FAM221A: variants seen among roughly 807,000 people sequenced by gnomAD.
The protein encoded by FAM221A is family with sequence similarity 221 member A.
In FAM221A, 43 loss-of-function variants were observed where a neutral mutation model predicts 37.6. That is an observed-to-expected ratio of 1.15 (90% CI 0.90 to 1.48). FAM221A has a LOEUF of 1.48. Among genes scored for constraint, FAM221A ranks in the 40% most tolerant of loss-of-function variants. The probability of loss-of-function intolerance (pLI) is 0.00; values close to 1 mark genes in which losing one functional copy is unlikely to be tolerated. For synonymous variants in FAM221A, 135 were observed against 132.9 expected (o/e 1.02, Z -0.11); for missense variants, 361 against 361.5 (o/e 1.00, Z 0.01).
At chr7:23,699,559 T>C (rs902359168) in intron 5 of FAM221A, among the ~76,000 whole-genome samples, 6 of 109,498 alleles carry the variant, frequency 5.5e-5, no homozygotes, top group Non-Finnish European at 1.1e-4. Flanking sequence ...TTTTTTTTTT[T>C]TGAGACAGAG....
At chr7:23,696,215 A>G (rs964353122) in intron 4 of FAM221A, among the ~76,000 whole-genome samples, 3 of 152,186 alleles carry the variant, frequency 2.0e-5, no homozygotes, top group African/African-American at 7.2e-5. Flanking sequence ...GAGCATTTGT[A>G]TATCTAAATT....
chr7:23,690,199 A>ATATATTTTTTTTTTT (rs774313037), intron 3 of FAM221A, among the ~76,000 whole-genome samples: 10 of 48,728 alleles, frequency 2.1e-4, no homozygotes, highest in African/African-American at 8.5e-4. Context: ...ATATATATAT[A>ATATATTTTTTTTTTT]TTTTTTTTTT....
chr7:23,694,357 A>T (rs1351474418), intron 4 of FAM221A: 1 of 151,918 alleles, frequency 6.6e-6, no homozygotes, highest in African/African-American at 2.4e-5. Flanking sequence ...CCTGTTTGTG[A>T]TTGTTTTCAA....
In FAM221A at chr7:23,684,658, T is replaced by G. The variant is rs1431667595; in HGVS notation, c.225T>G (p.Cys75Trp). The change falls in exon 2 of 7, where the codon TGT becomes TGG. Residue 75 changes from cysteine (C) to tryptophan (W), a missense_variant. Transcript: ENST00000344962. ...DCKLVGPETL[C>W]FCTHRYKQHK... is the part of the protein sequence containing the mutation. Reference sequence around the variant, plus strand: ...AACTTGTGGGCCCAGAGACACTGTGTTTTTGTACACATAGGTAAGATACTT... The same window carrying G: ...AACTTGTGGGCCCAGAGACACTGTGGTTTTGTACACATAGGTAAGATACTT... 1.3e-5 allele frequency: 21 copies of G among 1,607,820 alleles called. No individual in the cohort carries two copies. Among genetic ancestry groups the G allele is most frequent in the Admixed American group, 3.4e-5 (2 of 58,270 alleles).
At chr7:23,683,962 TTCTAA>T (rs1474814393) in intron 1 of FAM221A, among the ~76,000 whole-genome samples, 4 of 152,222 alleles carry the variant, frequency 2.6e-5, no homozygotes, top group African/African-American at 9.6e-5. Flanking sequence ...AATGATTAAC[TTCTAA>T]TCTATAACTA....
chr7:23,689,131 G>A, intron 2 of FAM221A, 138 bp from the exon 3 acceptor site: 1 of 553,002 alleles, frequency 1.8e-6, no homozygotes, highest in Non-Finnish European at 3.0e-6. Flanking sequence ...ATGTAGGAGA[G>A]TTTATTTTCA....
intron 4 of FAM221A, among the ~76,000 whole-genome samples, chr7:23,695,593 G>A (rs1246285248): frequency 1.3e-5 from 2 of 152,162 alleles, no homozygotes; most frequent in East Asian, 3.9e-4. Flanking sequence ...GGCTGGTCTT[G>A]AACTCCTGAC....
At chr7:23,684,396 A>C in intron 1 of FAM221A, 103 bp from the exon 2 acceptor site, 5 of 660,986 alleles carry the variant, frequency 7.6e-6, no homozygotes, top group Non-Finnish European at 6.9e-6. Context: ...AGATTTACAA[A>C]ATAAAAGCTT....
chr7:23,685,649 C>A (rs908144717), intron 2 of FAM221A, among the ~76,000 whole-genome samples: 7 of 152,190 alleles, frequency 4.6e-5, no homozygotes, highest in South Asian at 2.1e-4. Context: ...TCTGCTGTGT[C>A]GATACCTTTC....
At chr7:23,690,199 A>ATATATATATTTTTTTT (rs774313037) in intron 3 of FAM221A, among the ~76,000 whole-genome samples, 5 of 48,736 alleles carry the variant, frequency 1.0e-4, no homozygotes, top group South Asian at 1.2e-3. Context: ...ATATATATAT[A>ATATATATATTTTTTTT]TTTTTTTTTT....
At position 23,691,463 on chromosome 7, in the gene FAM221A, A is replaced by G; in HGVS notation, c.504A>G (p.Val168=). The G allele has an allele frequency of 6.2e-7, 1 of 1,614,212 alleles. No individual in the cohort carries two copies. Among genetic ancestry groups the G allele is most frequent in the Non-Finnish European group, 8.5e-7 (1 of 1,180,040 alleles). The change falls in exon 4 of 7, where the codon GTA becomes GTG. Residue 168 remains valine, a synonymous_variant. Transcript: ENST00000344962. ...AGCCTGCATATGCCCATGACACAGT[A>G]GTGGAAACTAAGCAAGAAAGATTGG... ...CGQPAYAHDT[V]VETKQERLAQ...
chr7:23,682,439 ATT>A (rs59949135), intron 1 of FAM221A, among the ~76,000 whole-genome samples: 7 of 79,392 alleles, frequency 8.8e-5, no homozygotes, highest in Non-Finnish European at 1.6e-4. Flanking sequence ...TATTATTATT[ATT>A]TTTTTTTTTA....
intron 5 of FAM221A, among the ~76,000 whole-genome samples, chr7:23,699,115 AT>A (rs1185698578): frequency 0.012 from 1,582 of 133,232 alleles, 17 homozygotes; most frequent in African/African-American, 0.03. Context: ...CAATGCTGGA[AT>A]TTTTTTTTTT....
At chr7:23,695,867 A>T (rs1422907811) in intron 4 of FAM221A, among the ~76,000 whole-genome samples, 2 of 151,770 alleles carry the variant, frequency 1.3e-5, no homozygotes, top group African/African-American at 4.8e-5. Flanking sequence ...AATATTTGTG[A>T]CTCTTCTTAT....
chr7:23,696,551 A>G (rs770395945), intron 4 of FAM221A, among the ~76,000 whole-genome samples: 1 of 152,190 alleles, frequency 6.6e-6, no homozygotes, highest in Non-Finnish European at 1.5e-5. Context: ...GTGACAGAGT[A>G]ACACCCTGCC....
In FAM221A at chr7:23,702,132, G is replaced by A. The variant is rs1295927090; in HGVS notation, c.865G>A (p.Ala289Thr). The A allele has an allele frequency of 2.5e-6, 4 of 1,602,004 alleles. No homozygotes were observed. Among genetic ancestry groups the A allele is most frequent in the Non-Finnish European group, 2.6e-6 (3 of 1,174,026 alleles). Reference sequence around the variant, plus strand: ...AAAGGCTGCTAAGTGGAAAGGAAAAGCTCCATTGCCATCAGCTACAAAACC... The same window carrying A: ...AAAGGCTGCTAAGTGGAAAGGAAAAACTCCATTGCCATCAGCTACAAAACC... ...MEKAAKWKGK[A>T]PLPSATKPS Residue 289 changes from alanine to threonine, a missense_variant, in exon 7 of 7, where the codon GCT (alanine) becomes ACT (threonine). Coordinates refer to ENST00000344962, the MANE Select transcript of FAM221A (RefSeq NM_199136.5).
At position 23,698,276 on chromosome 7, in the gene FAM221A, C is replaced by A; in HGVS notation, c.722C>A (p.Ser241Tyr). 1 of 1,577,070 alleles carries A rather than the reference C, an allele frequency of 6.3e-7. No individual in the cohort carries two copies. Among genetic ancestry groups the A allele is most frequent in the Non-Finnish European group, 8.6e-7 (1 of 1,156,126 alleles). ...FLKAFQASSSSSPETLTDVGT... is the reference protein window; with the variant it reads ...FLKAFQASSSYSPETLTDVGT... ...AAAGCATTTCAAGCATCATCTAGTT[C>A]TTCTCCAGAAACGTTAACAGATGGT... Residue 241 changes from serine to tyrosine, a missense_variant, in exon 5 of 7, where the codon TCT (serine) becomes TAT (tyrosine). Coordinates refer to ENST00000344962, the MANE Select transcript of FAM221A (RefSeq NM_199136.5).
intron 4 of FAM221A, chr7:23,694,168 G>A (rs1248276327): frequency 6.6e-6 from 1 of 152,182 alleles, no homozygotes; most frequent in African/African-American, 2.4e-5. Flanking sequence ...CAAAATACAT[G>A]AACTCATTCT....
chr7:23,680,231 A>T lies in FAM221A; in HGVS notation c.13A>T (p.Thr5Ser). The change falls in exon 1 of 7, where the codon ACG becomes TCG. Residue 5 changes from threonine to serine, a missense_variant. Physicochemically the swap from Thr to Ser is moderately conservative, Grantham distance 58 (BLOSUM62 1). Transcript: ENST00000344962. MERLTLPLGGAAAVD... is the reference protein window; with the variant it reads MERLSLPLGGAAAVD... ...TTCCCCACCGGCAATGGAGCGGTTG[A>T]CGTTGCCTCTCGGCGGCGCGGCGGC... is the stretch of plus-strand genomic sequence containing the variant. 6.5e-7 allele frequency: 1 copy of T among 1,549,398 alleles called. No homozygotes were observed. The highest frequency in any genetic ancestry group is 8.7e-7 in the Non-Finnish European group (1 of 1,146,028).
Sources: allele counts gnomAD v4.1 joint callset (sites outside exome capture counted in the v4.1 genomes callset), GRCh38; gene constraint gnomAD v4.1.1; transcripts MANE v1.5; gene names NCBI Gene and HGNC (gene_info 2026-07-23, HGNC 2026-07-21).